Variants in DNAH1 observed in about 807,000 individuals in gnomAD.
DNAH1 encodes the protein dynein axonemal heavy chain 1.
A neutral mutation model predicts 484.3 loss-of-function variants in DNAH1; 327 were observed. The ratio of observed to expected loss-of-function variants is 0.68; its 90% CI spans 0.62 to 0.74. DNAH1 has a LOEUF of 0.74. DNAH1 is among the 30% of genes least tolerant of loss of function. The pLI is 0.00. For missense variants in DNAH1, 5,052 were observed against 5,546.8 expected (o/e 0.91, Z 2.83); for synonymous variants, 2,192 against 2,191.9 (o/e 1.00, Z 0.00).
upstream of DNAH1, among the ~76,000 whole-genome samples, chr3:52,315,810 A>G (rs1017848642): frequency 6.6e-6 from 1 of 152,202 alleles, no homozygotes; most frequent in African/African-American, 2.4e-5. Context: ...ACCCTTGCGC[A>G]GCCATGGGAG....
Position 52,361,897 on chromosome 3 carries a change from C to T in DNAH1, c.4980+131C>T, listed in dbSNP as rs1447370638. On this transcript the variant is annotated intron_variant, in intron 30 of 77. Transcript: ENST00000420323. This position sits in a 1 kb window ranked among gnomAD's most constrained non-coding sequence, Gnocchi z 5.6. ...TCCAGCCTCTCTTGTCCCGGGGGCA[C>T]ACCCTAACCCCAGTCTGTGGGCAGC... The T allele has an allele frequency of 3.1e-6, 3 of 953,540 alleles. No individual in the cohort carries two copies. The highest frequency in any genetic ancestry group is 3.1e-6 in the Non-Finnish European group (2 of 644,404). The allele number at this position is 953,540 out of a possible 1,614,324, so 59.1% of individuals were successfully genotyped here.
chr3:52,386,566 G>GGTGGT lies in DNAH1; in HGVS notation c.8812-96_8812-95insGTGGT, dbSNP rs1364285978. 6.5e-6 allele frequency: 9 copies of GGTGGT among 1,378,326 alleles called. No homozygotes were observed. The African/African-American group carries it at 1.2e-4, about 18-fold the overall frequency. The allele number at this position is 1,378,326 out of a possible 1,614,324, so 85.4% of individuals were successfully genotyped here. On this transcript the variant is annotated intron_variant, in intron 55 of 77. Coordinates refer to ENST00000420323, the MANE Select transcript of DNAH1 (RefSeq NM_015512.5). The stretch of plus-strand genomic sequence containing the variant: ...GATATGCCCGTGTCCTGTGGTAGTA[G>GGTGGT]AGACTTGGTTGGTAGGGCCAACCTT...
intron 8 of DNAH1, among the ~76,000 whole-genome samples, chr3:52,333,893 T>C (rs1383342803): frequency 2.0e-5 from 3 of 152,206 alleles, no homozygotes. Flanking sequence ...TCTGAGCATA[T>C]TTAAGGTAGA....
At chr3:52,348,768 G>A in intron 12 of DNAH1, 120 bp from the exon 13 acceptor site, 1 of 1,080,238 alleles carries the variant, frequency 9.3e-7, no homozygotes, top group East Asian at 2.4e-5. Context: ...CACCCTCTAG[G>A]CTTCAGGCCA....
chr3:52,388,876 A>G lies in DNAH1; in HGVS notation c.9434A>G (p.Asn3145Ser), dbSNP rs1704240750. ...GTGGAGAACCTGCAGTACATGCTCA[A>G]CAACATCTCCGGCGATGTCCTGGTG... Reference protein sequence around the residue: ...ETVENLQYMLNNISGDVLVAA... With the variant: ...ETVENLQYMLSNISGDVLVAA... Residue 3145 changes from asparagine (N) to serine (S), a missense_variant, in exon 59 of 78, where the codon AAC (asparagine) becomes AGC (serine). Coordinates refer to ENST00000420323, the MANE Select transcript of DNAH1 (RefSeq NM_015512.5). 1.2e-6 allele frequency: 2 copies of G among 1,613,586 alleles called. No individual in the cohort carries two copies. The highest frequency in any genetic ancestry group is 4.5e-5 in the East Asian group (2 of 44,894).
chr3:52,398,447 GC>G (rs1559578291), intron 75 of DNAH1, among the ~76,000 whole-genome samples: 1 of 152,054 alleles, frequency 6.6e-6, no homozygotes, highest in East Asian at 1.9e-4. Flanking sequence ...TAATTAGCGC[GC>G]CCAGCTAATT....
chr3:52,321,539 G>A (rs1701148571), intron 1 of DNAH1: 3 of 152,058 alleles, frequency 2.0e-5, no homozygotes, highest in Admixed American at 2.0e-4. Context: ...ATGTTCTCCT[G>A]CCCAAGGATT....
In DNAH1 at chr3:52,394,887, C is replaced by T. The variant is rs371429476; in HGVS notation, c.10824-28C>T. 16 of 1,609,530 alleles carry T rather than the reference C, an allele frequency of 9.9e-6. 2 individuals carry two copies. The highest frequency in any genetic ancestry group is 6.7e-5 in the Admixed American group (4 of 59,736). ...CCAACCTCCTTCCAACAGGCTGGCT[C>T]TCAGGGAGGTGTGGGCCACTGTTGC... On this transcript the variant is annotated intron_variant, in intron 67 of 77. Transcript: ENST00000420323.
At chr3:52,325,531 A>G (rs1356995807) in intron 3 of DNAH1, among the ~76,000 whole-genome samples, 1 of 152,164 alleles carries the variant, frequency 6.6e-6, no homozygotes, top group Non-Finnish European at 1.5e-5. Flanking sequence ...GCAAACTGAG[A>G]TGGATGGTCA....
chr3:52,380,002 T>C lies in DNAH1; in HGVS notation c.7475T>C (p.Leu2492Pro), dbSNP rs1240446590. ...GAGGACCGCAGCTGGTTCGACCAGC[T>C]CCTCAAGCGCTGCATGGAGCAGTGG... is the stretch of plus-strand genomic sequence containing the variant. ...NEEDRSWFDQLLKRCMEQWEV... is the reference protein window; with the variant it reads ...NEEDRSWFDQPLKRCMEQWEV... Residue 2492 changes from leucine (L) to proline (P), a missense_variant, in exon 48 of 78, where the codon CTC becomes CCC. This residue lies in a region of DNAH1 where 2,929 missense variants were observed against 3,409.4 expected (regional missense o/e 0.86). Coordinates refer to ENST00000420323, the MANE Select transcript of DNAH1 (RefSeq NM_015512.5). 3 of 1,592,258 alleles carry C rather than the reference T, an allele frequency of 1.9e-6. No individual in the cohort carries two copies. The highest frequency in any genetic ancestry group is 2.6e-6 in the Non-Finnish European group (3 of 1,169,648).
At chr3:52,338,157 G>A (rs1701801782) in intron 8 of DNAH1, among the ~76,000 whole-genome samples, 6 of 152,014 alleles carry the variant, frequency 3.9e-5, no homozygotes, top group Admixed American at 3.9e-4. Context: ...CACCCAGGCT[G>A]GAGTGCAATG....
intron 41 of DNAH1, among the ~76,000 whole-genome samples, 155 bp downstream of exon 41, chr3:52,370,980 C>T (rs1703315445): frequency 6.6e-6 from 1 of 152,172 alleles, no homozygotes; most frequent in African/African-American, 2.4e-5. Flanking sequence ...TCCTCATGGC[C>T]CTGTAGAGTG....
chr3:52,397,999 C>G, intron 74 of DNAH1, 33 bp from the exon 75 acceptor site: 3 of 1,605,924 alleles, frequency 1.9e-6, no homozygotes, highest in East Asian at 2.2e-5. Flanking sequence ...GGGGGCCCAG[C>G]CTTGACCCCA....
At chr3:52,393,723 C>T (rs1023598967) in intron 66 of DNAH1, among the ~76,000 whole-genome samples, 1 of 152,098 alleles carries the variant, frequency 6.6e-6, no homozygotes, top group Non-Finnish European at 1.5e-5. Flanking sequence ...TTCAAGACCA[C>T]CCTGGTCTCT....
Position 52,391,179 on chromosome 3 carries a change from GAGA to G in DNAH1, c.9745_9747del (p.Lys3249del). ...CCCTTCTTTTCCCCTTCCCTTACAG[GAGA>G]AGGACAATGGGCTGGATGTGTTCAA... On this transcript the variant is annotated inframe_deletion and splice_region_variant, in exon 62 of 78. Transcript: ENST00000420323. The G allele has an allele frequency of 6.2e-7, 1 of 1,613,946 alleles. No individual in the cohort carries two copies. The highest frequency in any genetic ancestry group is 8.5e-7 in the Non-Finnish European group (1 of 1,179,864).
At position 52,373,714 on chromosome 3, in the gene DNAH1, T is replaced by A. The variant is rs1411706533; in HGVS notation, c.6985+661T>A. 3 of 1,371,230 alleles carry A rather than the reference T, an allele frequency of 2.2e-6. No individual in the cohort carries two copies. The African/African-American group carries it at 4.3e-5, about 20-fold the overall frequency. 84.9% of individuals were successfully genotyped at this position (1,371,230 alleles called of 1,614,324 possible). A position where few individuals can be genotyped will look rare whatever the true frequency, so the allele number is the denominator to read the frequency against. Reference sequence around the variant, plus strand: ...CAGAAGTTATGTCAGTGTTGCGTCCTTTTTGACTTTGTTTCTGATCCACTA... The same window carrying A: ...CAGAAGTTATGTCAGTGTTGCGTCCATTTTGACTTTGTTTCTGATCCACTA... On this transcript the variant is annotated intron_variant, in intron 44 of 77. Coordinates refer to ENST00000420323, the MANE Select transcript of DNAH1 (RefSeq NM_015512.5).
rs1220045694 is a variant in DNAH1 at position 52,382,415 on chromosome 3, T to C, written c.7901T>C (p.Leu2634Pro). Residue 2634 changes from leucine (L) to proline (P), a missense_variant, in exon 50 of 78, where the codon CTA (leucine) becomes CCA (proline). Physicochemically the swap from Leu to Pro is moderately conservative, Grantham distance 98. Transcript: ENST00000420323. The stretch of plus-strand genomic sequence containing the variant: ...AAGAAGGTCCTGCTCAAGGCGGGCC[T>C]ACAGAACCTACCCATCACCTTCCTC... ...DVKKVLLKAGLQNLPITFLFS... is the reference protein window; with the variant it reads ...DVKKVLLKAGPQNLPITFLFS... 1 of 1,613,932 alleles carries C rather than the reference T, an allele frequency of 6.2e-7. No homozygotes were observed. Among genetic ancestry groups the C allele is most frequent in the East Asian group, 2.2e-5 (1 of 44,878 alleles).
rs1455664292 is a variant in DNAH1 at position 52,375,271 on chromosome 3, T to G, written c.7017T>G (p.Phe2339Leu). 1 of 1,610,414 alleles carries G rather than the reference T, an allele frequency of 6.2e-7. No homozygotes were observed. Residue 2339 changes from phenylalanine to leucine, a missense_variant, in exon 45 of 78, where the codon TTT (phenylalanine) becomes TTG (leucine). Transcript: ENST00000420323. ...TCAAGAACCTAGTGGACATCAACTT[T>G]GTCTGTGCCATGGGCCCCCCGGGTG... is the stretch of plus-strand genomic sequence containing the variant. ...GAFKNLVDIN[F>L]VCAMGPPGGG...
chr3:52,355,409 G>A lies in DNAH1; in HGVS notation c.3693+354G>A, dbSNP rs975564554. On this transcript the variant is annotated intron_variant, in intron 21 of 77. Transcript: ENST00000420323. This position sits in a 1 kb window ranked among gnomAD's most constrained non-coding sequence, Gnocchi z 4.5. ...CTCCAGTACTGACACTTTCTGGGCC[G>A]GATGTCCCAAGGTCCCAGAGCACCT... Among the ~76,000 whole-genome samples, 5 of 152,230 alleles carry A rather than the reference G, an allele frequency of 3.3e-5. No homozygotes were observed. The highest frequency in any genetic ancestry group is 7.2e-5 in the African/African-American group (3 of 41,454).
Sources: allele counts gnomAD v4.1 joint callset (sites outside exome capture counted in the v4.1 genomes callset), GRCh38; gene constraint gnomAD v4.1.1; regional missense constraint gnomAD v4.1.1; non-coding constraint Gnocchi (gnomAD v3.1); transcripts MANE v1.5; gene names NCBI Gene and HGNC (gene_info 2026-07-23, HGNC 2026-07-21).